Variants in SCFD2 observed in about 807,000 individuals in gnomAD.
SCFD2 encodes sec1 family domain containing 2.
Under a neutral mutation model 58.9 loss-of-function variants are expected in SCFD2, and 54 were observed. That is an observed-to-expected ratio of 0.92 (90% CI 0.74 to 1.15). The LOEUF (loss-of-function observed/expected upper bound fraction) is 1.15. Among genes scored for constraint, SCFD2 ranks in the 50% most tolerant of loss-of-function variants. SCFD2 has a pLI of 0.00. For missense variants in SCFD2, 805 were observed against 836.6 expected (o/e 0.96, Z 0.47); for synonymous variants, 321 against 335.9 (o/e 0.96, Z 0.49).
At chr4:53,069,451 A>C (rs1398803883) in intron 5 of SCFD2, among the ~76,000 whole-genome samples, 2 of 152,096 alleles carry the variant, frequency 1.3e-5, no homozygotes, top group African/African-American at 4.8e-5. Context: ...CAGCAAAAGC[A>C]GCAAAATTTC....
At chr4:53,208,417 C>A (rs1242000668) in intron 4 of SCFD2, among the ~76,000 whole-genome samples, 1 of 152,182 alleles carries the variant, frequency 6.6e-6, no homozygotes, top group Non-Finnish European at 1.5e-5. Context: ...GTACATGTCA[C>A]AAACACTTTC....
chr4:53,344,445 A>G (rs1214410425), intron 2 of SCFD2, among the ~76,000 whole-genome samples: 7 of 152,198 alleles, frequency 4.6e-5, no homozygotes, highest in African/African-American at 1.7e-4. Flanking sequence ...CAACGAAATA[A>G]AAGAGGACAC....
chr4:53,140,582 TAGGG>T (rs1301218741), intron 5 of SCFD2, among the ~76,000 whole-genome samples: 17 of 151,704 alleles, frequency 1.1e-4, no homozygotes, highest in Admixed American at 3.3e-4. Flanking sequence ...TTCATAAAAA[TAGGG>T]AGGTATGGCA....
At chr4:53,234,012 A>G (rs547233676) in intron 4 of SCFD2, among the ~76,000 whole-genome samples, 1 of 152,340 alleles carries the variant, frequency 6.6e-6, no homozygotes, top group South Asian at 2.1e-4. Flanking sequence ...TAAATGCAGA[A>G]TCTAGGACTT....
intron 5 of SCFD2, among the ~76,000 whole-genome samples, chr4:53,002,884 T>C (rs1194187408): frequency 2.0e-5 from 3 of 152,128 alleles, no homozygotes; most frequent in African/African-American, 4.8e-5. Context: ...CAGGGAGCTT[T>C]TACTCATGGC....
chr4:53,309,144 A>G (rs1732609088), intron 3 of SCFD2, among the ~76,000 whole-genome samples: 1 of 152,108 alleles, frequency 6.6e-6, no homozygotes, highest in Non-Finnish European at 1.5e-5. Context: ...AAAAAAAAAA[A>G]AGAGAAGCAC....
At position 52,889,130 on chromosome 4, in the gene SCFD2, T is replaced by C. The variant is rs1193931782; in HGVS notation, c.1843-3264A>G. 3.3e-5 allele frequency among the ~76,000 whole-genome samples: 5 copies of C among 152,226 alleles called. No individual in the cohort carries two copies. The East Asian group carries it at 9.6e-4, about 29-fold the overall frequency. ...CTTAAGGTTATCAACATCTCCTTGA[T>C]TACTTCCACATTAGATCGCTGCTAT... On this transcript the variant is annotated intron_variant, in intron 7 of 8. Transcript: ENST00000401642.
At chr4:53,240,308 A>G (rs1435659964) in intron 4 of SCFD2, among the ~76,000 whole-genome samples, 1 of 152,246 alleles carries the variant, frequency 6.6e-6, no homozygotes, top group Non-Finnish European at 1.5e-5. Context: ...CTAGAAAAAA[A>G]TAGTTTCAAC....
rs565979214 is a variant in SCFD2 at position 53,356,583 on chromosome 4, C to A, written c.839-3817G>T. Among the ~76,000 whole-genome samples the A allele has an allele frequency of 1.1e-4, 16 of 152,150 alleles. No homozygotes were observed. The South Asian group carries it at 2.9e-3, about 28-fold the overall frequency. On this transcript the variant is annotated intron_variant, in intron 1 of 8. Transcript: ENST00000401642. ...TGGCACTACAGCATGCAACACCATG[C>A]CCAGCTAATTTTTTGTATTTTTTGT...
At chr4:53,062,422 T>C (rs1261926481) in intron 5 of SCFD2, among the ~76,000 whole-genome samples, 1 of 147,116 alleles carries the variant, frequency 6.8e-6, no homozygotes, top group Non-Finnish European at 1.5e-5. Flanking sequence ...TAATAGTCTC[T>C]CATTAAAGAG....
intron 5 of SCFD2, among the ~76,000 whole-genome samples, chr4:53,098,954 A>G (rs1168550909): frequency 2.0e-5 from 3 of 152,084 alleles, no homozygotes; most frequent in African/African-American, 4.8e-5. Flanking sequence ...GTATGTACCT[A>G]TCTATCAATC....
intron 4 of SCFD2, among the ~76,000 whole-genome samples, chr4:53,203,843 C>T (rs754122221): frequency 1.3e-5 from 2 of 152,074 alleles, no homozygotes; most frequent in East Asian, 1.9e-4. Flanking sequence ...AATGTCCCCA[C>T]CAACACTCCA....
chr4:53,162,225 T>G (rs1307736709), intron 4 of SCFD2, among the ~76,000 whole-genome samples: 1 of 152,086 alleles, frequency 6.6e-6, no homozygotes, highest in South Asian at 2.1e-4. Context: ...ACATAAATGA[T>G]GTCATTTTGC....
Position 53,313,764 on chromosome 4 carries a change from C to T in SCFD2, c.1008-1G>A, listed in dbSNP as rs1432323610. 6.2e-7 allele frequency: 1 copy of T among 1,613,798 alleles called. No individual in the cohort carries two copies. ...CCATAGGGCTTTGGCTGTGGTGTCA[C>T]TGCAGGAAAATCACAAAAAGAGCTT... On this transcript the variant is annotated splice_acceptor_variant, in intron 2 of 8. Transcript: ENST00000401642. LOFTEE classifies it high-confidence loss of function.
chr4:53,166,352 ATCTT>A (rs1013579201), intron 4 of SCFD2, among the ~76,000 whole-genome samples: 1 of 152,232 alleles, frequency 6.6e-6, no homozygotes, highest in African/African-American at 2.4e-5. Flanking sequence ...TCAATATACA[ATCTT>A]TCTTTGCTTT....
At chr4:52,916,044 T>C (rs574462441) in intron 6 of SCFD2, among the ~76,000 whole-genome samples, 1 of 152,090 alleles carries the variant, frequency 6.6e-6, no homozygotes, top group Non-Finnish European at 1.5e-5. Flanking sequence ...CTGTGGAAGG[T>C]TTTTTGCAGC....
intron 5 of SCFD2, among the ~76,000 whole-genome samples, chr4:53,094,069 C>A (rs577682532): frequency 1.3e-5 from 2 of 152,240 alleles, no homozygotes; most frequent in East Asian, 3.9e-4. Context: ...AAGACCACTT[C>A]CAGCATTAGT....
At chr4:53,302,101 G>A (rs1167912882) in intron 3 of SCFD2, among the ~76,000 whole-genome samples, 1 of 152,130 alleles carries the variant, frequency 6.6e-6, no homozygotes, top group African/African-American at 2.4e-5. Context: ...GTTCTGGCCA[G>A]GGCAATCAGG....
intron 5 of SCFD2, among the ~76,000 whole-genome samples, chr4:52,926,104 GCAGAGAAAA>G (rs764091581): frequency 1.2e-4 from 19 of 152,038 alleles, no homozygotes; most frequent in Non-Finnish European, 2.6e-4. Context: ...TAATTAAAAT[GCAGAGAAAA>G]CAGAACAGCT....
Sources: allele counts gnomAD v4.1 joint callset (sites outside exome capture counted in the v4.1 genomes callset), GRCh38; gene constraint gnomAD v4.1.1; transcripts MANE v1.5; gene names NCBI Gene and HGNC (gene_info 2026-07-23, HGNC 2026-07-21).